The following POU2F1 variants were observed in gnomAD, a reference collection of about 807,000 sequenced individuals.
POU2F1 encodes the protein POU domain, class 2, transcription factor 1.
POU2F1 carries 16 observed loss-of-function variants against 84.9 expected under a neutral mutation model. The ratio of observed to expected loss-of-function variants is 0.19; its 90% CI spans 0.13 to 0.29. The LOEUF (loss-of-function observed/expected upper bound fraction) is 0.29. Ranked by LOEUF, POU2F1 falls within the 10% of genes least tolerant of loss-of-function variation. The pLI is 1.00. For synonymous variants in POU2F1, 368 were observed against 368.3 expected (o/e 1.00, Z 0.01); for missense variants, 738 against 942.6 (o/e 0.78, Z 2.84).
chr1:167,395,126 A>G (rs1392511574), intron 9 of POU2F1, among the ~76,000 whole-genome samples: 3 of 152,222 alleles, frequency 2.0e-5, no homozygotes, highest in African/African-American at 7.2e-5. Flanking sequence ...TCCTGTATAT[A>G]AAGCAACTAT....
At chr1:167,364,581 C>CTTTTT (rs745794975) in intron 2 of POU2F1, among the ~76,000 whole-genome samples, 1 of 120,820 alleles carries the variant, frequency 8.3e-6, no homozygotes, top group African/African-American at 3.1e-5. Flanking sequence ...TTCTTTCTTT[C>CTTTTT]TTTTTTTTTT....
intron 1 of POU2F1, among the ~76,000 whole-genome samples, chr1:167,233,089 C>T (rs897466422): frequency 6.6e-6 from 1 of 151,364 alleles, no homozygotes; most frequent in Non-Finnish European, 1.5e-5. Flanking sequence ...ATCTTTTATA[C>T]CATGTTTTTA....
chr1:167,397,148 G>A lies in POU2F1; in HGVS notation c.1129+721G>A, dbSNP rs145387090. Among the ~76,000 whole-genome samples, 344 of 152,248 alleles carry A rather than the reference G, an allele frequency of 2.3e-3. 2 individuals are homozygous for A. The highest frequency in any genetic ancestry group is 7.9e-3 in the African/African-American group (327 of 41,542). On this transcript the variant is annotated intron_variant, in intron 10 of 15. Transcript: ENST00000367866. Reference sequence around the variant, plus strand: ...GTTTACTGTTTCCATCTTATTTTACGTGTAGCAGAAACAAACTCAGATGTG... The same window carrying A: ...GTTTACTGTTTCCATCTTATTTTACATGTAGCAGAAACAAACTCAGATGTG...
rs192681274 is a variant in POU2F1, at chr1:167,415,910, G to A, written c.*100G>A. ...TGAAAAATGTGATTGGCTTCCTCTC[G>A]CCGTGTTGTGAGGGCAAAGGAGAGA... On this transcript the variant is annotated 3_prime_UTR_variant, in exon 16 of 16. Transcript: ENST00000367866. The A allele has an allele frequency of 2.6e-4, 286 of 1,113,738 alleles. 2 individuals carry two copies. The African/African-American group carries it at 4.1e-3, about 16-fold the overall frequency. The allele number at this position is 1,113,738 out of a possible 1,614,324, so 69.0% of individuals were successfully genotyped here. A position where few individuals can be genotyped will look rare whatever the true frequency, so the allele number is the denominator to read the frequency against.
chr1:167,312,352 T>C (rs1557886422), intron 1 of POU2F1, among the ~76,000 whole-genome samples: 1 of 151,380 alleles, frequency 6.6e-6, no homozygotes. Flanking sequence ...GCATCCCAAG[T>C]AGTGGAATTA....
At chr1:167,396,231 T>C (rs1248439546) in intron 9 of POU2F1, 55 bp from the exon 10 acceptor site, 3 of 1,596,856 alleles carry the variant, frequency 1.9e-6, no homozygotes, top group Non-Finnish European at 2.6e-6. Context: ...CTTTAAGCAC[T>C]GGTGAGATAA....
chr1:167,357,427 C>A (rs1256103466), intron 2 of POU2F1: 1 of 128,390 alleles, frequency 7.8e-6, no homozygotes, highest in Non-Finnish European at 1.6e-5. Context: ...GTTCCCCAGG[C>A]AGGAGTGTAG....
intron 2 of POU2F1, among the ~76,000 whole-genome samples, chr1:167,364,788 C>T (rs1009923399): frequency 5.3e-5 from 8 of 151,736 alleles, no homozygotes; most frequent in East Asian, 2.0e-4. Context: ...AAGCTGACCT[C>T]GAACTCATGA....
chr1:167,261,705 A>C (rs1056420822), intron 1 of POU2F1, among the ~76,000 whole-genome samples: 2 of 152,174 alleles, frequency 1.3e-5, no homozygotes, highest in Non-Finnish European at 2.9e-5. Context: ...TTTAAGACAG[A>C]GTCTTGCTCT....
intron 1 of POU2F1, among the ~76,000 whole-genome samples, chr1:167,255,632 G>A (rs1651072887): frequency 6.6e-6 from 1 of 152,136 alleles, no homozygotes; most frequent in Admixed American, 6.5e-5. Context: ...GAAATGGGTT[G>A]ACATAGCCAC....
intron 1 of POU2F1, among the ~76,000 whole-genome samples, chr1:167,253,812 G>A (rs1020495738): frequency 1.4e-4 from 21 of 152,106 alleles, no homozygotes; most frequent in African/African-American, 4.3e-4. Flanking sequence ...AGGTTTGCCT[G>A]TCTCTGTGGA....
intron 1 of POU2F1, among the ~76,000 whole-genome samples, chr1:167,223,233 C>T (rs1305563663): frequency 5.9e-5 from 9 of 152,018 alleles, no homozygotes; most frequent in African/African-American, 1.2e-4. Context: ...TTGCGTTTAC[C>T]CTGATCTTGG....
chr1:167,368,899 C>T (rs373447274), intron 3 of POU2F1, among the ~76,000 whole-genome samples: 264 of 152,314 alleles, frequency 1.7e-3, no homozygotes, highest in African/African-American at 6.1e-3. Flanking sequence ...ATTATCTTCT[C>T]TGTCCCTGTT....
chr1:167,227,570 GA>G (rs577733729), intron 1 of POU2F1, among the ~76,000 whole-genome samples: 87 of 152,280 alleles, frequency 5.7e-4, no homozygotes, highest in African/African-American at 2.1e-3. Context: ...TCTGCTTAAT[GA>G]AAAATACAGC....
chr1:167,317,058 A>C (rs112809293), intron 1 of POU2F1, among the ~76,000 whole-genome samples: 5 of 152,002 alleles, frequency 3.3e-5, no homozygotes, highest in African/African-American at 1.2e-4. Flanking sequence ...CACCTGACTA[A>C]ATTCTTGTAT....
chr1:167,400,335 T>A (rs1446782804), intron 12 of POU2F1, among the ~76,000 whole-genome samples: 1 of 152,118 alleles, frequency 6.6e-6, no homozygotes, highest in Non-Finnish European at 1.5e-5. Flanking sequence ...TTTAATTCTT[T>A]CATCACATTT....
At chr1:167,383,669 T>C in intron 7 of POU2F1, 188 bp from the exon 8 acceptor site, 2 of 527,132 alleles carry the variant, frequency 3.8e-6, no homozygotes, top group South Asian at 2.4e-5. Context: ...TAATGTTGTA[T>C]ATCTTCTCTT....
rs1650907013 is a variant in POU2F1 at position 167,425,601 on chromosome 1, A to G, written c.*9791A>G. The G allele has an allele frequency of 6.6e-6, 1 of 152,226 alleles. No homozygotes were observed. Among genetic ancestry groups the G allele is most frequent in the Non-Finnish European group, 1.5e-5 (1 of 68,106 alleles). The allele number at this position is 152,226 out of a possible 1,614,324, so 9.4% of individuals were successfully genotyped here. A position where few individuals can be genotyped will look rare whatever the true frequency, so the allele number is the denominator to read the frequency against. On this transcript the variant is annotated 3_prime_UTR_variant, in exon 16 of 16. Coordinates refer to ENST00000367866, the MANE Select transcript of POU2F1 (RefSeq NM_002697.4). ...CCACCCTACACCAACCAGGGTCACTATGGGGACTTAGCACAGGGCCTAGGG... is the reference window on the plus strand; with the variant it reads ...CCACCCTACACCAACCAGGGTCACTGTGGGGACTTAGCACAGGGCCTAGGG...
intron 1 of POU2F1, among the ~76,000 whole-genome samples, chr1:167,274,401 TTATC>T (rs1652577468): frequency 2.0e-5 from 3 of 152,206 alleles, no homozygotes; most frequent in African/African-American, 7.2e-5. Flanking sequence ...GATAATTCCT[TTATC>T]TAATATCTTC....
Sources: gnomAD v4.1 joint callset for allele counts (sites outside exome capture counted in the v4.1 genomes callset) on GRCh38, gnomAD v4.1.1 for gene constraint, MANE v1.5 for transcripts, NCBI Gene and HGNC (gene_info 2026-07-23, HGNC 2026-07-21) for gene names.